The following PTPRG variants were observed in gnomAD, a reference collection of about 807,000 sequenced individuals.
The protein encoded by PTPRG is receptor-type tyrosine-protein phosphatase gamma.
In PTPRG, 102 loss-of-function variants were observed where a neutral mutation model predicts 165.3. The observed-to-expected ratio is 0.62, with a 90% CI of 0.53 to 0.73. The LOEUF (loss-of-function observed/expected upper bound fraction) is 0.73, where lower values mean the gene tolerates loss of function less well. Among genes scored for constraint, PTPRG ranks in the 30% least tolerant of loss-of-function variants. The pLI, the probability that PTPRG is intolerant of heterozygous loss-of-function variation, is 0.00. For missense variants in PTPRG, 1,866 were observed against 1,861.4 expected (o/e 1.00, Z -0.05); for synonymous variants, 675 against 669.5 (o/e 1.01, Z -0.13).
intron 4 of PTPRG, among the ~76,000 whole-genome samples, chr3:62,038,573 T>G (rs1700024558): frequency 6.6e-6 from 1 of 152,140 alleles, no homozygotes; most frequent in Non-Finnish European, 1.5e-5. Context: ...AATTTTTATA[T>G]TTTTGTAGAG....
chr3:61,723,706 C>T (rs557394135), intron 1 of PTPRG, among the ~76,000 whole-genome samples: 1 of 152,248 alleles, frequency 6.6e-6, no homozygotes, highest in East Asian at 1.9e-4. Flanking sequence ...TACAGGATTA[C>T]AGTACAATAT....
chr3:61,798,374 A>G (rs1015521061), intron 2 of PTPRG, among the ~76,000 whole-genome samples: 1 of 152,204 alleles, frequency 6.6e-6, no homozygotes, highest in Non-Finnish European at 1.5e-5. Context: ...AATGACAACT[A>G]GTTAATTCTT....
At chr3:61,629,551 G>A (rs1350098805) in intron 1 of PTPRG, among the ~76,000 whole-genome samples, 1 of 152,182 alleles carries the variant, frequency 6.6e-6, no homozygotes, top group East Asian at 1.9e-4. Flanking sequence ...TTAATTGCTA[G>A]CTGTTCATCT....
intron 5 of PTPRG, among the ~76,000 whole-genome samples, chr3:62,130,556 C>T (rs1427557013): frequency 6.6e-6 from 1 of 152,152 alleles, no homozygotes; most frequent in African/African-American, 2.4e-5. Context: ...GGCATCCCCA[C>T]CAGAATGAAT....
Position 62,059,625 on chromosome 3 carries a change from C to T in PTPRG, c.520-18538C>T, listed in dbSNP as rs117811718. 7.9e-4 allele frequency among the ~76,000 whole-genome samples: 121 copies of T among 152,252 alleles called. No homozygotes were observed. In the East Asian group the frequency reaches 0.018, roughly 22 times the overall value. On this transcript the variant is annotated intron_variant, in intron 4 of 29. Transcript: ENST00000474889. Reference sequence around the variant, plus strand: ...GGCCCAGGCAGACAGATTGCATGAGCCCAGGAGTTCAAGACCGGCCTGAGA... The same window carrying T: ...GGCCCAGGCAGACAGATTGCATGAGTCCAGGAGTTCAAGACCGGCCTGAGA...
At chr3:62,125,424 G>C (rs1177345524) in intron 5 of PTPRG, among the ~76,000 whole-genome samples, 3 of 152,002 alleles carry the variant, frequency 2.0e-5, no homozygotes, top group Admixed American at 1.3e-4. Context: ...TTGCTTCCAG[G>C]GAATGAAAAA....
chr3:62,159,508 G>T (rs1704665540), intron 7 of PTPRG, among the ~76,000 whole-genome samples: 1 of 152,050 alleles, frequency 6.6e-6, no homozygotes, highest in African/African-American at 2.4e-5. Context: ...AACAGTTTGG[G>T]GCTTGGATGT....
At chr3:62,077,549 T>C (rs1022410997) in intron 4 of PTPRG, among the ~76,000 whole-genome samples, 1 of 152,174 alleles carries the variant, frequency 6.6e-6, no homozygotes, top group Non-Finnish European at 1.5e-5. Flanking sequence ...TTTTGCTTCT[T>C]AATAGGGAAA....
chr3:62,074,814 CATTTT>C (rs1701331259), intron 4 of PTPRG, among the ~76,000 whole-genome samples: 1 of 152,108 alleles, frequency 6.6e-6, no homozygotes, highest in Non-Finnish European at 1.5e-5. Context: ...GGGCACAGTT[CATTTT>C]GAGGATAAAA....
intron 1 of PTPRG, among the ~76,000 whole-genome samples, chr3:61,568,093 TA>T (rs35925432): frequency 6.6e-6 from 1 of 152,148 alleles, no homozygotes; most frequent in South Asian, 2.1e-4. Flanking sequence ...TATACTTGTG[TA>T]AAAAAGAGTT....
At position 62,255,136 on chromosome 3, in the gene PTPRG, C is replaced by T; in HGVS notation, c.2480C>T (p.Ala827Val). Reference sequence around the variant, plus strand: ...TTATTCCCCCCAGATGACATGGAAGCCATTCCTGTCAAACAGTTTGTCAAA... The same window carrying T: ...TTATTCCCCCCAGATGACATGGAAGTCATTCCTGTCAAACAGTTTGTCAAA... ...PIIPIPDDME[A>V]IPVKQFVKHI... The change falls in exon 16 of 30, where the codon GCC becomes GTC. Residue 827 changes from alanine to valine, a missense_variant. Ala to Val is a moderately conservative substitution (Grantham distance 64). Transcript: ENST00000474889. The surrounding 1 kb of genome is among the most constrained non-coding windows in gnomAD (Gnocchi z 4.0). The T allele has an allele frequency of 1.9e-6, 3 of 1,611,942 alleles. No homozygotes were observed. The highest frequency in any genetic ancestry group is 2.5e-6 in the Non-Finnish European group (3 of 1,178,690).
chr3:61,932,278 G>A (rs1424174540), intron 2 of PTPRG, among the ~76,000 whole-genome samples: 4 of 152,162 alleles, frequency 2.6e-5, no homozygotes, highest in South Asian at 2.1e-4. Context: ...ATGCAGCACT[G>A]CATGGAATTA....
chr3:61,672,587 G>C (rs1703047819), intron 1 of PTPRG, among the ~76,000 whole-genome samples: 1 of 56,356 alleles, frequency 1.8e-5, no homozygotes, highest in African/African-American at 5.0e-5. Context: ...AGGCATGGCG[G>C]CGCCGCCTGC....
At chr3:61,627,245 C>A (rs72874746) in intron 1 of PTPRG, among the ~76,000 whole-genome samples, 4,519 of 152,108 alleles carry the variant, frequency 0.03, 224 homozygotes, top group African/African-American at 0.1. Context: ...ACAGATGCTG[C>A]ATTAGTTATA....
rs11351369 is a variant in PTPRG at position 62,030,197 on chromosome 3, G to GT, written c.519+26715dup. Among the ~76,000 whole-genome samples the GT allele has an allele frequency of 4.0e-3, 585 of 144,774 alleles. 5 individuals are homozygous for GT. Among genetic ancestry groups the GT allele is most frequent in the Middle Eastern group, 7.1e-3 (2 of 280 alleles). The allele number at this position is 144,774 out of a possible 152,430, so 95.0% of individuals were successfully genotyped here. ...AAAATGATGGGAAAATTTTCCCTGT[G>GT]TTTTTTTTTTTTTTTAACTTAAGTC... On this transcript the variant is annotated intron_variant, in intron 4 of 29. Coordinates refer to ENST00000474889, the MANE Select transcript of PTPRG (RefSeq NM_002841.4).
intron 28 of PTPRG, among the ~76,000 whole-genome samples, chr3:62,285,270 A>G (rs914391168): frequency 1.3e-5 from 2 of 152,126 alleles, no homozygotes; most frequent in African/African-American, 2.4e-5. Context: ...GTACCCCTAT[A>G]ACAAATTGTC....
At chr3:61,926,898 C>T (rs540614610) in intron 2 of PTPRG, among the ~76,000 whole-genome samples, 2 of 149,922 alleles carry the variant, frequency 1.3e-5, no homozygotes, top group African/African-American at 2.5e-5. Context: ...AAAACAAAAA[C>T]GAAAAAAACA....
intron 3 of PTPRG, among the ~76,000 whole-genome samples, chr3:61,998,922 T>G (rs2041105228): frequency 6.6e-6 from 1 of 152,222 alleles, no homozygotes; most frequent in African/African-American, 2.4e-5. Flanking sequence ...CTCAGAGTTC[T>G]GGAGGCTGGA....
At chr3:61,653,566 G>A (rs1304369000) in intron 1 of PTPRG, among the ~76,000 whole-genome samples, 3 of 152,130 alleles carry the variant, frequency 2.0e-5, no homozygotes, top group Non-Finnish European at 4.4e-5. Flanking sequence ...GGATAGAACA[G>A]TGAACAAGGC....
Sources: gnomAD v4.1 joint callset for allele counts (sites outside exome capture counted in the v4.1 genomes callset) on GRCh38, gnomAD v4.1.1 for gene constraint, Gnocchi (gnomAD v3.1) non-coding constraint, MANE v1.5 for transcripts, NCBI Gene and HGNC (gene_info 2026-07-23, HGNC 2026-07-21) for gene names.